The following RGL1 variants were observed in gnomAD, a reference collection of about 807,000 sequenced individuals.
RGL1 encodes ral guanine nucleotide dissociation stimulator like 1.
RGL1 carries 24 observed loss-of-function variants against 95.2 expected under a neutral mutation model. That is an observed-to-expected ratio of 0.25 (90% CI 0.18 to 0.35). The LOEUF (loss-of-function observed/expected upper bound fraction) is 0.35, where lower values mean the gene tolerates loss of function less well. Among genes scored for constraint, RGL1 ranks in the 10% least tolerant of loss-of-function variants. The pLI is 1.00. For missense variants in RGL1, 715 were observed against 936.3 expected (o/e 0.76, Z 3.08); for synonymous variants, 329 against 344.9 (o/e 0.95, Z 0.51).
intron 1 of RGL1, among the ~76,000 whole-genome samples, chr1:183,641,644 A>G (rs1649932920): frequency 6.6e-6 from 1 of 152,104 alleles, no homozygotes; most frequent in South Asian, 2.1e-4. Flanking sequence ...TCCAGTTTTG[A>G]TATTAGTGTT....
At chr1:183,654,180 G>A (rs1384994508) in intron 1 of RGL1, among the ~76,000 whole-genome samples, 2 of 152,158 alleles carry the variant, frequency 1.3e-5, no homozygotes, top group African/African-American at 4.8e-5. Flanking sequence ...CTCATCCAGA[G>A]TGCTCCTACT....
intron 2 of RGL1, among the ~76,000 whole-genome samples, chr1:183,796,860 T>C (rs975942976): frequency 2.0e-5 from 3 of 152,226 alleles, no homozygotes; most frequent in African/African-American, 4.8e-5. Flanking sequence ...TCTGAGTTGA[T>C]GGTTGTATGT....
chr1:183,838,649 A>G (rs1663828121), intron 2 of RGL1, among the ~76,000 whole-genome samples: 2 of 152,130 alleles, frequency 1.3e-5, no homozygotes, highest in Admixed American at 1.3e-4. Flanking sequence ...CCCTTCTTCT[A>G]TCAGATAAAG....
At chr1:183,733,033 C>G (rs1478755274) in intron 1 of RGL1, among the ~76,000 whole-genome samples, 2 of 152,116 alleles carry the variant, frequency 1.3e-5, no homozygotes, top group African/African-American at 4.8e-5. Context: ...GCTGCTTCTC[C>G]TCTGATATAT....
intron 2 of RGL1, among the ~76,000 whole-genome samples, chr1:183,843,767 G>A (rs1664221561): frequency 6.6e-6 from 1 of 152,138 alleles, no homozygotes; most frequent in Non-Finnish European, 1.5e-5. Context: ...CCTAACCACT[G>A]AGAAGCCATT....
Position 183,702,326 on chromosome 1 carries a change from G to A in RGL1, c.-32-39800G>A, listed in dbSNP as rs539488531. 4.2e-4 allele frequency among the ~76,000 whole-genome samples: 64 copies of A among 152,322 alleles called. 1 individual carries two copies. The South Asian group carries it at 0.013, about 31-fold the overall frequency. On this transcript the variant is annotated intron_variant, in intron 1 of 18. Coordinates refer to the RGL1 transcript ENST00000304685. Reference sequence around the variant, plus strand: ...GATGACTCAGGACAACACTGCCACTGCAGATTACCAGCAAAGTGGGAGGTG... The same window carrying A: ...GATGACTCAGGACAACACTGCCACTACAGATTACCAGCAAAGTGGGAGGTG...
intron 1 of RGL1, among the ~76,000 whole-genome samples, chr1:183,668,866 G>C (rs1174049442): frequency 1.3e-5 from 2 of 151,088 alleles, no homozygotes; most frequent in Non-Finnish European, 3.0e-5. Context: ...TTGTCCCCCA[G>C]CTTTTGGATA....
At chr1:183,671,559 G>A (rs1044028388) in intron 1 of RGL1, among the ~76,000 whole-genome samples, 1 of 152,168 alleles carries the variant, frequency 6.6e-6, no homozygotes, top group African/African-American at 2.4e-5. Context: ...TTCTAAGCTT[G>A]CCATTTGACA....
At chr1:183,742,191 G>C (rs1356612840) in exon 2 of RGL1, 1 of 1,614,102 alleles carries the variant, frequency 6.2e-7, no homozygotes, top group Non-Finnish European at 8.5e-7. Context: ...ACCTACTCAA[G>C]AGGTGTCTAA....
chr1:183,662,956 T>C (rs1393302799), intron 1 of RGL1, among the ~76,000 whole-genome samples: 2 of 152,122 alleles, frequency 1.3e-5, no homozygotes, highest in South Asian at 2.1e-4. Context: ...AAATAAGCAA[T>C]GGGGAAAGGA....
intron 1 of RGL1, among the ~76,000 whole-genome samples, chr1:183,652,589 CATTTT>C (rs139702117): frequency 0.069 from 10,434 of 152,214 alleles, 611 homozygotes; most frequent in African/African-American, 0.16. Flanking sequence ...TGGTATCTGT[CATTTT>C]ATTCTCCCCA....
chr1:183,894,810 G>A (rs900689032), intron 9 of RGL1, among the ~76,000 whole-genome samples: 1 of 152,130 alleles, frequency 6.6e-6, no homozygotes, highest in African/African-American at 2.4e-5. Flanking sequence ...GATGTAACGT[G>A]CCACTTATAT....
intron 1 of RGL1, among the ~76,000 whole-genome samples, chr1:183,667,316 T>C (rs1652108434): frequency 6.6e-6 from 1 of 152,162 alleles, no homozygotes; most frequent in South Asian, 2.1e-4. Flanking sequence ...AGATCATTGA[T>C]TTATTTTTTA....
chr1:183,870,321 TTGTCTTCCGGCCAGGGTAGG>T (rs1666099269), intron 4 of RGL1, among the ~76,000 whole-genome samples: 1 of 107,014 alleles, frequency 9.3e-6, no homozygotes, highest in Non-Finnish European at 2.2e-5. Context: ...GCCAGGGTAG[TTGTCTTCCGGCCAGGGTAGG>T]TGTCTTCCGG....
rs71130628 is a variant in RGL1, at chr1:183,668,003, ATGTG to A, written c.-33+31522_-33+31525del. 5.6e-3 allele frequency among the ~76,000 whole-genome samples: 759 copies of A among 135,242 alleles called. 8 individuals are homozygous for A. The highest frequency in any genetic ancestry group is 0.019 in the African/African-American group (720 of 37,030). The allele number at this position is 135,242 out of a possible 152,430, so 88.7% of individuals were successfully genotyped here. On this transcript the variant is annotated intron_variant, in intron 1 of 18. Coordinates refer to the RGL1 transcript ENST00000304685. ...TTATTTTACTTACATGCTTATATAT[ATGTG>A]TGTGTGTGTGTGTGTGTGTCTGTGT...
intron 3 of RGL1, among the ~76,000 whole-genome samples, chr1:183,857,118 G>T (rs762555139): frequency 6.6e-6 from 1 of 152,034 alleles, no homozygotes; most frequent in Admixed American, 6.6e-5. Flanking sequence ...TAATCACAAG[G>T]GTCCTTAAAA....
At chr1:183,828,147 C>T (rs1663002089) in intron 2 of RGL1, among the ~76,000 whole-genome samples, 1 of 152,084 alleles carries the variant, frequency 6.6e-6, no homozygotes, top group African/African-American at 2.4e-5. Context: ...ACTATTACTG[C>T]CAGTGATATG....
At chr1:183,642,594 C>A (rs1301746497) in intron 1 of RGL1, among the ~76,000 whole-genome samples, 2 of 152,016 alleles carry the variant, frequency 1.3e-5, no homozygotes, top group Non-Finnish European at 2.9e-5. Flanking sequence ...CCTAAAAAAA[C>A]CTTGTTATTG....
Position 183,776,981 on chromosome 1 carries a change from C to T in RGL1, c.133-29394C>T, listed in dbSNP as rs563195719. Among the ~76,000 whole-genome samples, 5 of 152,302 alleles carry T rather than the reference C, an allele frequency of 3.3e-5. No individual in the cohort carries two copies. In the East Asian group the frequency reaches 9.6e-4, roughly 29 times the overall value. ...TCATGGTGCTGCTATTTTTAATGGA[C>T]AGAAACTTACTGTATTTCAAGTGAA... On this transcript the variant is annotated intron_variant, in intron 2 of 18. Transcript: ENST00000304685.
Sources: allele counts gnomAD v4.1 joint callset (sites outside exome capture counted in the v4.1 genomes callset), GRCh38; gene constraint gnomAD v4.1.1; transcripts MANE v1.5; gene names NCBI Gene and HGNC (gene_info 2026-07-23, HGNC 2026-07-21).